Variants in CDK16 observed in about 807,000 individuals in gnomAD.
The protein encoded by CDK16 is cyclin-dependent kinase 16.
A neutral mutation model predicts 41.6 loss-of-function variants in CDK16; 2 were observed. That is an observed-to-expected ratio of 0.05 (90% CI 0.02 to 0.15). The LOEUF (loss-of-function observed/expected upper bound fraction) is 0.15, where lower values mean the gene tolerates loss of function less well. Ranked by LOEUF, CDK16 falls within the 10% of genes least tolerant of loss-of-function variation. CDK16 has a pLI of 1.00. For synonymous variants in CDK16, 169 were observed against 169.7 expected, an observed-to-expected ratio of 1.00 and a Z score of 0.03; for missense variants, 228 against 428.9, an observed-to-expected ratio of 0.53 and a Z score of 4.14.
At chrX:47,225,147 C>A (rs774389363) in intron 6 of CDK16, 45 bp downstream of exon 6, 2 of 893,321 alleles carry the variant, frequency 2.2e-6, no homozygotes, top group Non-Finnish European at 1.6e-6. Context: ...CCAACCCACC[C>A]CTGGCGCACA....
rs773922508 is a variant in CDK16, at chrX:47,228,628, G to T, written c.1437G>T (p.Ser479=). ...AAAAGGAGGCCAGCCTTCGGTCTTC[G>T]TCGATGCCTGACTCAGGTAGGTATA... ...QLQKEASLRS[S]SMPDSGRPAF... is the part of the protein sequence containing the mutation. The change falls in exon 15 of 16, where the codon TCG becomes TCT. Residue 479 remains serine (S), a synonymous_variant. Transcript: ENST00000357227. 2 of 1,208,775 alleles carry T rather than the reference G, an allele frequency of 1.7e-6. No individual in the cohort carries two copies. Among genetic ancestry groups the T allele is most frequent in the African/African-American group, 3.5e-5 (2 of 56,998 alleles).
At chrX:47,225,252 C>G (rs1937518456) in intron 6 of CDK16, 150 bp downstream of exon 6, 1 of 444,135 alleles carries the variant, frequency 2.3e-6, no homozygotes. Flanking sequence ...AGGTAATAAT[C>G]AGGGTAACCA....
At chrX:47,223,443 C>T (rs1314617672) in intron 1 of CDK16, 109 bp from the exon 2 acceptor site, 2 of 995,554 alleles carry the variant, frequency 2.0e-6, no homozygotes, top group South Asian at 2.2e-5. Flanking sequence ...TGAGTGAGCA[C>T]TGACAAGTTC....
intron 1 of CDK16, chrX:47,222,962 C>T (rs918684997): frequency 1.2e-5 from 9 of 771,601 alleles, no homozygotes; most frequent in Non-Finnish European, 1.4e-5. Flanking sequence ...TCCCCTCCCC[C>T]CCCCCACCTG....
At chrX:47,222,484 G>A (rs1395329982) in intron 1 of CDK16, 1 of 110,408 alleles carries the variant, frequency 9.1e-6, no homozygotes, top group African/African-American at 3.3e-5. Flanking sequence ...ATTCACAGAG[G>A]CCTCATGAAA....
chrX:47,223,876 T>C, intron 2 of CDK16, 117 bp downstream of exon 2: 1 of 576,758 alleles, frequency 1.7e-6, no homozygotes, highest in Non-Finnish European at 2.8e-6. Flanking sequence ...GCCCCCCATG[T>C]GCTCTCTTCT....
At position 47,218,683 on chromosome X, in the gene CDK16, A is replaced by C. The variant is rs781924240; in HGVS notation, c.-429A>C. On this transcript the variant is annotated 5_prime_UTR_variant, in exon 1 of 16. Transcript: ENST00000357227. ...GTCCGAGGTGAGTCCCCTCCTTTCCACTTCACCCTTCCGAGCGCCTGCGTG... is the reference window on the plus strand; with the variant it reads ...GTCCGAGGTGAGTCCCCTCCTTTCCCCTTCACCCTTCCGAGCGCCTGCGTG... The C allele has an allele frequency of 1.4e-5, 16 of 1,164,410 alleles. No homozygotes were observed. Among genetic ancestry groups the C allele is most frequent in the Admixed American group, 2.6e-5 (1 of 38,430 alleles).
intron 2 of CDK16, 100 bp downstream of exon 2, chrX:47,223,859 T>G: frequency 1.4e-6 from 1 of 721,796 alleles, no homozygotes; most frequent in Non-Finnish European, 2.1e-6. Flanking sequence ...TTTTCTGCCC[T>G]TTCTCTGCCC....
Position 47,228,652 on chromosome X carries a change from T to A in CDK16, c.1453+8T>A. 1 of 1,208,117 alleles carries A rather than the reference T, an allele frequency of 8.3e-7. No individual in the cohort carries two copies. Among genetic ancestry groups the A allele is most frequent in the Non-Finnish European group, 1.1e-6 (1 of 892,080 alleles). On this transcript the variant is annotated splice_region_variant and intron_variant, in intron 15 of 15. Transcript: ENST00000357227. ...CGTCGATGCCTGACTCAGGTAGGTA[T>A]AGCCCCTTGTCTTCCTCCCTGCCCC...
rs1447500747 is a variant in CDK16 at position 47,228,555 on chromosome X, CCCCAT to C, written c.1376-10_1376-6del. 1 of 1,200,861 alleles carries C rather than the reference CCCCAT, an allele frequency of 8.3e-7. No homozygotes were observed. Among genetic ancestry groups the C allele is most frequent in the Non-Finnish European group, 1.1e-6 (1 of 886,901 alleles). ...GGGTCATCCCCCACTTCTATGTCTCCCCCATCTGTAGCTACTTCCATATTTGCACT... is the reference window on the plus strand; with the variant it reads ...GGGTCATCCCCCACTTCTATGTCTCCCTGTAGCTACTTCCATATTTGCACT... On this transcript the variant is annotated splice_region_variant and splice_polypyrimidine_tract_variant and intron_variant, in intron 14 of 15. Coordinates refer to ENST00000357227, the MANE Select transcript of CDK16 (RefSeq NM_006201.5).
chrX:47,221,848 T>A (rs1937347690), intron 1 of CDK16, among the ~76,000 whole-genome samples: 1 of 111,605 alleles, frequency 9.0e-6, no homozygotes, highest in Non-Finnish European at 1.9e-5. Context: ...CGAGAACTGC[T>A]GGGGGAAGCA....
Position 47,228,796 on chromosome X carries a change from CG to C in CDK16, c.*30del. The C allele has an allele frequency of 8.4e-7, 1 of 1,194,312 alleles. No homozygotes were observed. The highest frequency in any genetic ancestry group is 1.1e-6 in the Non-Finnish European group (1 of 881,906). On this transcript the variant is annotated 3_prime_UTR_variant, in exon 16 of 16. Coordinates refer to ENST00000357227, the MANE Select transcript of CDK16 (RefSeq NM_006201.5). ...CACAGACCGAGGCCCCAGCAGGCAG[CG>C]GCTGGAGGGATGCCACACCCCTCAC...
chrX:47,222,956 C>CA, intron 1 of CDK16: 2 of 766,697 alleles, frequency 2.6e-6, no homozygotes, highest in Non-Finnish European at 1.7e-6. Flanking sequence ...ACACGCTCCC[C>CA]TCCCCCCCCC....
chrX:47,221,920 C>T (rs1271418141), intron 1 of CDK16, among the ~76,000 whole-genome samples: 2 of 111,888 alleles, frequency 1.8e-5, no homozygotes, highest in South Asian at 3.7e-4. Context: ...GTCTCATCCT[C>T]GACCTCCTAT....
chrX:47,227,288 C>G, intron 13 of CDK16, 65 bp downstream of exon 13: 1 of 1,110,135 alleles, frequency 9.0e-7, no homozygotes, highest in Non-Finnish European at 1.2e-6. Context: ...AGGGACCCCC[C>G]CCCTCAAACC....
At chrX:47,221,601 C>T (rs1041303638) in intron 1 of CDK16, among the ~76,000 whole-genome samples, 6 of 111,576 alleles carry the variant, frequency 5.4e-5, no homozygotes, top group African/African-American at 9.8e-5. Context: ...CTCCCCTACT[C>T]CCTGTCACAA....
rs760298206 is a variant in CDK16, at chrX:47,228,660, T to C, written c.1453+16T>C. On this transcript the variant is annotated intron_variant, in intron 15 of 15. Transcript: ENST00000357227. ...CCTGACTCAGGTAGGTATAGCCCCT[T>C]GTCTTCCTCCCTGCCCCACCCACCT... 3 of 1,207,627 alleles carry C rather than the reference T, an allele frequency of 2.5e-6. No homozygotes were observed. The Admixed American group carries it at 6.5e-5, about 26-fold the overall frequency.
chrX:47,218,523 G>A (rs1937172799), upstream of CDK16: 4 of 1,004,282 alleles, frequency 4.0e-6, no homozygotes, highest in South Asian at 5.0e-5. Context: ...GCAAACTTCT[G>A]CCAAGATCGG....
chrX:47,223,663 AGTG>A lies in CDK16; in HGVS notation c.117_119del (p.Gly41del), dbSNP rs755082329. 5 of 1,210,709 alleles carry A rather than the reference AGTG, an allele frequency of 4.1e-6. No homozygotes were observed. Among genetic ancestry groups the A allele is most frequent in the Non-Finnish European group, 4.5e-6 (4 of 895,021 alleles). On this transcript the variant is annotated inframe_deletion, in exon 2 of 16. Transcript: ENST00000357227. ...CCCTGAGCAGATAGGCCTGGATGAG[AGTG>A]GTGGTGGTGGCGGCAGTGACCCTGG...
Sources: gnomAD v4.1 joint callset for allele counts (sites outside exome capture counted in the v4.1 genomes callset) on GRCh38, gnomAD v4.1.1 for gene constraint, MANE v1.5 for transcripts, NCBI Gene and HGNC (gene_info 2026-07-23, HGNC 2026-07-21) for gene names.